SRSF11: variants seen among roughly 807,000 people sequenced by gnomAD.
SRSF11 encodes the protein serine/arginine-rich splicing factor 11.
Under a neutral mutation model 56.0 loss-of-function variants are expected in SRSF11, and 9 were observed. The observed-to-expected ratio is 0.16, with a 90% CI of 0.10 to 0.28. The LOEUF (loss-of-function observed/expected upper bound fraction) is 0.28, where lower values mean the gene tolerates loss of function less well. Ranked by LOEUF, SRSF11 falls within the 10% of genes least tolerant of loss-of-function variation. The pLI, the probability that SRSF11 is intolerant of heterozygous loss-of-function variation, is 1.00. For missense variants in SRSF11, 421 were observed against 600.7 expected, an observed-to-expected ratio of 0.70 and a Z score of 3.13; for synonymous variants, 222 against 215.3, an observed-to-expected ratio of 1.03 and a Z score of -0.27.
At chr1:70,231,739 A>G in intron 2 of SRSF11, 1 of 1,232,258 alleles carries the variant, frequency 8.1e-7, no homozygotes, top group Non-Finnish European at 1.0e-6. Context: ...TCTTCTCTTA[A>G]TTTTTACAAA....
At chr1:70,235,626 T>C in intron 5 of SRSF11, 76 bp downstream of exon 5, 1 of 1,380,722 alleles carries the variant, frequency 7.2e-7, no homozygotes, top group Middle Eastern at 1.9e-4. Context: ...TTTGATAGCT[T>C]ATAAGAAAGT....
chr1:70,213,413 T>C (rs932907016), intron 1 of SRSF11, among the ~76,000 whole-genome samples: 4 of 152,228 alleles, frequency 2.6e-5, no homozygotes, highest in African/African-American at 9.6e-5. Context: ...AAAACCTGTG[T>C]TAAAATATGA....
intron 2 of SRSF11, 165 bp from the exon 3 acceptor site, chr1:70,232,101 CAT>C (rs1571761254): frequency 6.5e-7 from 1 of 1,546,824 alleles, no homozygotes; most frequent in African/African-American, 1.4e-5. Context: ...TTCATTCTGA[CAT>C]AAAATTAATG....
intron 3 of SRSF11, among the ~76,000 whole-genome samples, chr1:70,233,408 T>G (rs1456169002): frequency 6.6e-6 from 1 of 152,004 alleles, no homozygotes; most frequent in East Asian, 1.9e-4. Context: ...CCTGACTAAT[T>G]TTTGTATTTT....
intron 2 of SRSF11, chr1:70,230,788 C>T: frequency 8.5e-7 from 1 of 1,171,652 alleles, no homozygotes. Flanking sequence ...GTTGCAAATG[C>T]ACTAATTTGA....
Position 70,250,404 on chromosome 1 carries a change from A to G in SRSF11, c.1158A>G (p.Arg386=), listed in dbSNP as rs1248837522. ...KEKKKDKDKE[R]SRDERERSTS... Reference sequence around the variant, plus strand: ...AGAAGAAAGATAAAGACAAAGAAAGAAGTAGGGATGAAAGAGAACGATCAA... The same window carrying G: ...AGAAGAAAGATAAAGACAAAGAAAGGAGTAGGGATGAAAGAGAACGATCAA... The change falls in exon 11 of 12, where the codon AGA becomes AGG. Residue 386 remains arginine, a synonymous_variant. Coordinates refer to ENST00000370949, the MANE Select transcript of SRSF11 (RefSeq NM_001350605.2). 1 of 1,602,002 alleles carries G rather than the reference A, an allele frequency of 6.2e-7. No homozygotes were observed. Among genetic ancestry groups the G allele is most frequent in the Non-Finnish European group, 8.6e-7 (1 of 1,169,318 alleles).
rs533493663 is a variant in SRSF11, at chr1:70,252,320, C to G, written c.*1515C>G. The G allele has an allele frequency of 6.6e-5, 10 of 152,088 alleles. No individual in the cohort carries two copies. Among genetic ancestry groups the G allele is most frequent in the African/African-American group, 1.9e-4 (8 of 41,510 alleles). The allele number at this position is 152,088 out of a possible 1,614,324, so 9.4% of individuals were successfully genotyped here. A position where few individuals can be genotyped will look rare whatever the true frequency, so the allele number is the denominator to read the frequency against. ...GCAAATTTATATTTTCGGTGAAATA[C>G]AGATATTTGCCTTTCTGGAGTAGTA... On this transcript the variant is annotated 3_prime_UTR_variant, in exon 12 of 12. Coordinates refer to ENST00000370949, the MANE Select transcript of SRSF11 (RefSeq NM_001350605.2).
rs1421662531 is a variant in SRSF11 at position 70,250,756 on chromosome 1, A to C, written c.1406A>C (p.Lys469Thr). Reference protein sequence around the residue: ...KGTGDSLRESKVNGDDHHEED... With the variant: ...KGTGDSLRESTVNGDDHHEED... ...ACTGGTGATTCACTAAGAGAATCCA[A>C]AGTGAATGGGGATGATCATCATGAA... The change falls in exon 12 of 12, where the codon AAA becomes ACA. Residue 469 changes from lysine to threonine, a missense_variant. Physicochemically the swap from Lys to Thr is moderately conservative, Grantham distance 78. This residue lies in a region of SRSF11 where 253 missense variants were observed against 305.8 expected (regional missense o/e 0.83). Transcript: ENST00000370949. 1 of 1,613,986 alleles carries C rather than the reference A, an allele frequency of 6.2e-7. No individual in the cohort carries two copies. Among genetic ancestry groups the C allele is most frequent in the Non-Finnish European group, 8.5e-7 (1 of 1,179,938 alleles).
In SRSF11 at chr1:70,232,051, A is replaced by G. The variant is rs548277984; in HGVS notation, c.338-217A>G. The G allele has an allele frequency of 6.3e-4, 968 of 1,527,508 alleles. 15 individuals are homozygous for G. In the South Asian group the frequency reaches 0.011, roughly 18 times the overall value. 94.6% of individuals were successfully genotyped at this position (1,527,508 alleles called of 1,614,324 possible). Reference sequence around the variant, plus strand: ...TTTTTTTTACTCTAGAAACTTAACCATTTGTAGAGAAAAAGGAAACAAATT... The same window carrying G: ...TTTTTTTTACTCTAGAAACTTAACCGTTTGTAGAGAAAAAGGAAACAAATT... On this transcript the variant is annotated intron_variant, in intron 2 of 11. Coordinates refer to ENST00000370949, the MANE Select transcript of SRSF11 (RefSeq NM_001350605.2).
chr1:70,233,965 C>G (rs1281242609), intron 3 of SRSF11, among the ~76,000 whole-genome samples: 1 of 152,168 alleles, frequency 6.6e-6, no homozygotes, highest in Non-Finnish European at 1.5e-5. Context: ...GAGGCTGAAG[C>G]AGAAGGAACA....
intron 1 of SRSF11, among the ~76,000 whole-genome samples, chr1:70,208,137 A>T (rs145244636): frequency 6.6e-6 from 1 of 152,128 alleles, no homozygotes; most frequent in Non-Finnish European, 1.5e-5. Flanking sequence ...GAAGTTAAAT[A>T]TTTCATTATT....
intron 1 of SRSF11, among the ~76,000 whole-genome samples, chr1:70,227,660 A>G (rs1167144593): frequency 1.3e-5 from 2 of 152,150 alleles, no homozygotes; most frequent in Admixed American, 6.5e-5. Flanking sequence ...TTAACAGTTG[A>G]AAAAAACCCT....
upstream of SRSF11, among the ~76,000 whole-genome samples, chr1:70,218,260 A>G (rs1382165058): frequency 6.6e-6 from 1 of 152,144 alleles, no homozygotes; most frequent in East Asian, 1.9e-4. Context: ...GAGCCACTGT[A>G]CCTGGCCAAC....
At chr1:70,242,181 A>G (rs1339736609) in intron 7 of SRSF11, among the ~76,000 whole-genome samples, 3 of 150,658 alleles carry the variant, frequency 2.0e-5, no homozygotes, top group Non-Finnish European at 1.5e-5. Context: ...AAAAAAAAAA[A>G]GGGAGAGCCT....
intron 7 of SRSF11, among the ~76,000 whole-genome samples, chr1:70,240,874 C>T (rs1377954225): frequency 4.0e-5 from 6 of 149,640 alleles, no homozygotes; most frequent in Non-Finnish European, 8.9e-5. Flanking sequence ...CTCCTGAGTT[C>T]AAGCAATTCT....
chr1:70,218,989 T>C (rs1298642068), upstream of SRSF11: 1 of 152,170 alleles, frequency 6.6e-6, no homozygotes, highest in Non-Finnish European at 1.5e-5. Flanking sequence ...TTGTATTCAG[T>C]ATTAAAGTTG....
At chr1:70,241,894 G>T (rs1397155213) in intron 7 of SRSF11, among the ~76,000 whole-genome samples, 1 of 151,968 alleles carries the variant, frequency 6.6e-6, no homozygotes, top group African/African-American at 2.4e-5. Context: ...CCTGGGCCGG[G>T]TGGGGTGGCT....
chr1:70,252,971 C>T lies in SRSF11; in HGVS notation c.*2166C>T, dbSNP rs1678144176. ...CTTTTAACAGATAACCAGTTGAAATCAAACACTGCCTCCACACCGAGTTCT... is the reference window on the plus strand; with the variant it reads ...CTTTTAACAGATAACCAGTTGAAATTAAACACTGCCTCCACACCGAGTTCT... On this transcript the variant is annotated 3_prime_UTR_variant, in exon 12 of 12. Coordinates refer to ENST00000370949, the MANE Select transcript of SRSF11 (RefSeq NM_001350605.2). 1.3e-5 allele frequency: 2 copies of T among 152,190 alleles called. No individual in the cohort carries two copies. The allele number at this position is 152,190 out of a possible 1,614,324, so 9.4% of individuals were successfully genotyped here.
intron 1 of SRSF11, among the ~76,000 whole-genome samples, chr1:70,228,205 A>G (rs925498654): frequency 3.3e-5 from 5 of 152,204 alleles, no homozygotes; most frequent in African/African-American, 9.7e-5. Flanking sequence ...CACTGTAAAT[A>G]TAAGTTATGA....
Sources: gnomAD v4.1 joint callset for allele counts (sites outside exome capture counted in the v4.1 genomes callset) on GRCh38, gnomAD v4.1.1 for gene constraint, gnomAD v4.1.1 regional missense constraint, MANE v1.5 for transcripts, NCBI Gene and HGNC (gene_info 2026-07-23, HGNC 2026-07-21) for gene names.